Variants in OSBP2 observed in about 807,000 individuals in gnomAD.
OSBP2 encodes oxysterol-binding protein 2.
A neutral mutation model predicts 96.0 loss-of-function variants in OSBP2; 66 were observed. That is an observed-to-expected ratio of 0.69 (90% confidence interval 0.56 to 0.84). OSBP2 has a LOEUF of 0.84. Ranked by LOEUF, OSBP2 falls within the 40% of genes least tolerant of loss-of-function variation. The pLI, the probability that OSBP2 is intolerant of heterozygous loss-of-function variation, is 0.00. For synonymous variants in OSBP2, 525 were observed against 520.9 expected (o/e 1.01, Z -0.11); for missense variants, 1,038 against 1,222.7 (o/e 0.85, Z 2.25).
intron 2 of OSBP2, among the ~76,000 whole-genome samples, chr22:30,846,899 GTTTTC>G (rs2038882409): frequency 6.6e-6 from 1 of 151,924 alleles, no homozygotes; most frequent in African/African-American, 2.4e-5. Flanking sequence ...TTGGTCTGTT[GTTTTC>G]TTTTTTTGTG....
At chr22:30,874,429 A>G (rs557392250) in intron 3 of OSBP2, among the ~76,000 whole-genome samples, 14 of 152,294 alleles carry the variant, frequency 9.2e-5, no homozygotes, top group Non-Finnish European at 1.8e-4. Context: ...AGAAAAAAGA[A>G]AAAAAGAAAA....
Position 30,905,915 on chromosome 22 carries a change from C to A in OSBP2, c.2454C>A (p.Thr818=). The A allele has an allele frequency of 1.9e-6, 3 of 1,612,900 alleles. No individual in the cohort carries two copies. The highest frequency in any genetic ancestry group is 1.7e-5 in the Admixed American group (1 of 59,996). ...LNEHEEGVAP[T]DSRLRPDQRL... Reference sequence around the variant, plus strand: ...AGCACGAGGAGGGCGTAGCGCCAACCGACAGCCGCCTGCGGCCCGACCAGC... The same window carrying A: ...AGCACGAGGAGGGCGTAGCGCCAACAGACAGCCGCCTGCGGCCCGACCAGC... Residue 818 remains threonine (T), a synonymous_variant, in exon 13 of 14, where the codon ACC becomes ACA. Transcript: ENST00000332585.
intron 2 of OSBP2, among the ~76,000 whole-genome samples, chr22:30,791,460 G>A (rs1257849494): frequency 6.6e-6 from 1 of 151,052 alleles, no homozygotes; most frequent in African/African-American, 2.4e-5. Context: ...CCGAGTAGCT[G>A]GGATTACAGG....
At chr22:30,694,833 A>G, upstream of OSBP2, 5 of 607,048 alleles carry the variant, frequency 8.2e-6, no homozygotes, top group Non-Finnish European at 1.1e-5. Context: ...CGCGCACGTG[A>G]CTGCGCCCCC....
intron 1 of OSBP2, among the ~76,000 whole-genome samples, chr22:30,706,992 C>A (rs1433433945): frequency 6.6e-6 from 1 of 152,164 alleles, no homozygotes; most frequent in Non-Finnish European, 1.5e-5. Flanking sequence ...TCCGTTAGAT[C>A]AATACCTCCC....
At chr22:30,831,761 G>A (rs1569142204) in intron 2 of OSBP2, among the ~76,000 whole-genome samples, 1 of 152,010 alleles carries the variant, frequency 6.6e-6, no homozygotes, top group African/African-American at 2.4e-5. Flanking sequence ...CTTTCCCAAG[G>A]GACATTCCAG....
chr22:30,748,035 C>T (rs2090027801), intron 2 of OSBP2, among the ~76,000 whole-genome samples: 1 of 151,634 alleles, frequency 6.6e-6, no homozygotes, highest in Non-Finnish European at 1.5e-5. Flanking sequence ...CACCACCACA[C>T]CCAGCTAATT....
intron 2 of OSBP2, among the ~76,000 whole-genome samples, chr22:30,805,868 C>T (rs1184401655): frequency 2.0e-5 from 3 of 152,066 alleles, no homozygotes; most frequent in Non-Finnish European, 2.9e-5. Flanking sequence ...TGCCAAAGGC[C>T]GTGAGGAGTC....
chr22:30,774,595 G>C (rs532766799), intron 2 of OSBP2, among the ~76,000 whole-genome samples: 1 of 152,274 alleles, frequency 6.6e-6, no homozygotes, highest in South Asian at 2.1e-4. Context: ...AGCACAGACC[G>C]TGCAAATCCC....
At chr22:30,858,393 A>G (rs867053428) in intron 2 of OSBP2, among the ~76,000 whole-genome samples, 87 of 147,944 alleles carry the variant, frequency 5.9e-4, no homozygotes, top group African/African-American at 1.7e-3. Flanking sequence ...TGATCCACCC[A>G]CCTCGGCCTC....
chr22:30,901,930 G>T (rs2147189750), intron 12 of OSBP2, among the ~76,000 whole-genome samples: 2 of 152,080 alleles, frequency 1.3e-5, no homozygotes, highest in Admixed American at 1.3e-4. Context: ...ATATACTCGA[G>T]AAATTCTTGC....
intron 1 of OSBP2, among the ~76,000 whole-genome samples, chr22:30,701,242 T>C (rs1028303829): frequency 2.0e-5 from 3 of 152,146 alleles, no homozygotes; most frequent in Admixed American, 2.0e-4. Context: ...ACCCTTCCCA[T>C]GAACTCAGTT....
chr22:30,784,102 A>G (rs1311383744), intron 2 of OSBP2, among the ~76,000 whole-genome samples: 3 of 152,178 alleles, frequency 2.0e-5, no homozygotes, highest in Non-Finnish European at 4.4e-5. Flanking sequence ...AAAATACTGC[A>G]GATACAAATC....
intron 3 of OSBP2, among the ~76,000 whole-genome samples, chr22:30,876,972 T>C (rs1400963049): frequency 6.6e-6 from 1 of 152,146 alleles, no homozygotes; most frequent in African/African-American, 2.4e-5. Context: ...TGCATCCCTG[T>C]CCTGGCACCA....
At chr22:30,902,311 G>GGTA in intron 12 of OSBP2, 2 of 1,590,946 alleles carry the variant, frequency 1.3e-6, no homozygotes, top group South Asian at 2.2e-5. Context: ...GGAGTGTACG[G>GGTA]GTAGTCAGAG....
intron 2 of OSBP2, among the ~76,000 whole-genome samples, chr22:30,815,481 A>G (rs1000778339): frequency 6.6e-6 from 1 of 152,126 alleles, no homozygotes; most frequent in Non-Finnish European, 1.5e-5. Flanking sequence ...AATTGAGTGT[A>G]TTATAGCTTG....
intron 2 of OSBP2, among the ~76,000 whole-genome samples, chr22:30,854,008 C>T (rs57084031): frequency 0.26 from 38,971 of 152,014 alleles, 5,508 homozygotes; most frequent in African/African-American, 0.38. Context: ...ATCCGCCCAC[C>T]TCGGCCTCCT....
intron 12 of OSBP2, 92 bp from the exon 13 acceptor site, chr22:30,905,745 G>C: frequency 8.6e-7 from 1 of 1,156,808 alleles, no homozygotes; most frequent in African/African-American, 3.8e-5. Context: ...AGGCGACCCG[G>C]GAGGAGACAC....
At chr22:30,784,028 C>T (rs768033339) in intron 2 of OSBP2, among the ~76,000 whole-genome samples, 3 of 152,154 alleles carry the variant, frequency 2.0e-5, no homozygotes, top group Admixed American at 2.0e-4. Flanking sequence ...GGCATCTTTA[C>T]GATTGACGTA....
Sources: allele counts gnomAD v4.1 joint callset (sites outside exome capture counted in the v4.1 genomes callset), GRCh38; gene constraint gnomAD v4.1.1; transcripts MANE v1.5; gene names NCBI Gene and HGNC (gene_info 2026-07-23, HGNC 2026-07-21).